The following PRKAG2 variants were observed in gnomAD, a reference collection of about 807,000 sequenced individuals.
PRKAG2 encodes the protein protein kinase AMP-activated non-catalytic subunit gamma 2.
PRKAG2 carries 26 observed loss-of-function variants against 69.6 expected under a neutral mutation model. The observed-to-expected ratio is 0.37, with a 90% CI of 0.27 to 0.52. PRKAG2 has a LOEUF of 0.52. PRKAG2 is among the 20% of genes least tolerant of loss of function. PRKAG2 has a pLI of 0.90. For synonymous variants in PRKAG2, 293 were observed against 285.0 expected, an observed-to-expected ratio of 1.03 and a Z score of -0.28; for missense variants, 557 against 740.0, an observed-to-expected ratio of 0.75 and a Z score of 2.87.
intron 5 of PRKAG2, among the ~76,000 whole-genome samples, chr7:151,611,511 G>A (rs929395029): frequency 6.6e-6 from 1 of 152,150 alleles, no homozygotes; most frequent in Non-Finnish European, 1.5e-5. Context: ...TGAGGAAACT[G>A]AAATATCAAT....
At chr7:151,562,904 G>A (rs991905119) in intron 14 of PRKAG2, among the ~76,000 whole-genome samples, 1 of 148,776 alleles carries the variant, frequency 6.7e-6, no homozygotes, top group Non-Finnish European at 1.5e-5. Context: ...GCAGTGAGCC[G>A]AGATCACGCC....
rs1362370775 is a variant in PRKAG2, at chr7:151,781,733, A to C, written c.187-302T>G. ...GGGGAGGAAGGGAAGCGGAGCTCAA[A>C]ATGAGCGTCTCCCTCCTTTATTATG... is the stretch of plus-strand genomic sequence containing the variant. On this transcript the variant is annotated intron_variant, in intron 2 of 15. Coordinates refer to ENST00000287878, the MANE Select transcript of PRKAG2 (RefSeq NM_016203.4). This position sits in a 1 kb window ranked among gnomAD's most constrained non-coding sequence, Gnocchi z 6.1. Among the ~76,000 whole-genome samples the C allele has an allele frequency of 6.6e-6, 1 of 152,150 alleles. No homozygotes were observed. Among genetic ancestry groups the C allele is most frequent in the African/African-American group, 2.4e-5 (1 of 41,448 alleles).
intron 6 of PRKAG2, among the ~76,000 whole-genome samples, chr7:151,594,758 G>C (rs1415266588): frequency 1.3e-5 from 2 of 152,098 alleles, no homozygotes; most frequent in Non-Finnish European, 2.9e-5. Context: ...TAGCTCTGTG[G>C]ATTAGGTCCT....
rs758756757 is a variant in PRKAG2 at position 151,565,881 on chromosome 7, G to C, written c.1238C>G (p.Ser413Cys). The change falls in exon 12 of 16, where the codon TCT becomes TGT. Residue 413 changes from serine to cysteine, a missense_variant. Physicochemically the swap from Ser to Cys is moderately radical, Grantham distance 112. Around this residue, in one of 2 missense-constraint regions of PRKAG2, gnomAD observed 205 missense variants for 383.4 expected, o/e 0.53. Coordinates refer to ENST00000287878, the MANE Select transcript of PRKAG2 (RefSeq NM_016203.4). ...CATGAAGGCAGGCTTTGGCATATCA[G>C]ACATCTAAACGGAAGATAAACGCAA... ...RILKFLQLFM[S>C]DMPKPAFMKQ... 9.9e-6 allele frequency: 16 copies of C among 1,613,032 alleles called. No homozygotes were observed. The highest frequency in any genetic ancestry group is 1.3e-5 in the Non-Finnish European group (15 of 1,179,098).
rs529929461 is a variant in PRKAG2, at chr7:151,800,168, T to C, written c.115-13627A>G. ...GTCAGGAGATCGAGACCATCCTGGCTAACATGGTGAAACCCTGTCTCTACT... is the reference window on the plus strand; with the variant it reads ...GTCAGGAGATCGAGACCATCCTGGCCAACATGGTGAAACCCTGTCTCTACT... On this transcript the variant is annotated intron_variant, in intron 1 of 15. Transcript: ENST00000287878. 4.6e-5 allele frequency among the ~76,000 whole-genome samples: 7 copies of C among 151,904 alleles called. No individual in the cohort carries two copies. In the East Asian group the frequency reaches 7.8e-4, roughly 17 times the overall value.
At chr7:151,592,510 T>TTCTGCTCTCCTCTCATTGGC (rs1813456283) in intron 6 of PRKAG2, among the ~76,000 whole-genome samples, 2 of 152,206 alleles carry the variant, frequency 1.3e-5, no homozygotes, top group Admixed American at 1.3e-4. Flanking sequence ...CACCCTCGCA[T>TTCTGCTCTCCTCTCATTGGC]TCTGCTCTCC....
chr7:151,872,131 C>T (rs1006145008), intron 1 of PRKAG2, among the ~76,000 whole-genome samples: 11 of 152,178 alleles, frequency 7.2e-5, no homozygotes, highest in Non-Finnish European at 1.6e-4. Context: ...CTCATCATTT[C>T]CCCCAAGAAC....
rs116724769 is a variant in PRKAG2, at chr7:151,575,869, C to T, written c.946+502G>A. 4.3e-3 allele frequency among the ~76,000 whole-genome samples: 524 copies of T among 122,550 alleles called. 6 individuals are homozygous for T. The highest frequency in any genetic ancestry group is 0.015 in the African/African-American group (479 of 31,162). The allele number at this position is 122,550 out of a possible 152,430, so 80.4% of individuals were successfully genotyped here. A position where few individuals can be genotyped will look rare whatever the true frequency, so the allele number is the denominator to read the frequency against. The stretch of plus-strand genomic sequence containing the variant: ...AACAAAAGCTCCATAAAAGTTACAA[C>T]AGTGTGTAGAGTTCTCAATGAGGCG... On this transcript the variant is annotated intron_variant, in intron 7 of 15. Transcript: ENST00000287878.
intron 3 of PRKAG2, among the ~76,000 whole-genome samples, chr7:151,707,212 G>C (rs935976105): frequency 6.6e-6 from 1 of 152,216 alleles, no homozygotes; most frequent in African/African-American, 2.4e-5. Flanking sequence ...AACTTGAGCT[G>C]CCGTTGTCCA....
At chr7:151,793,282 C>T (rs935011501) in intron 1 of PRKAG2, among the ~76,000 whole-genome samples, 1 of 152,174 alleles carries the variant, frequency 6.6e-6, no homozygotes, top group Non-Finnish European at 1.5e-5. Context: ...GGGCGTGCAC[C>T]GCCGGGGAAG....
rs538068847 is a variant in PRKAG2, at chr7:151,709,316, G to A, written c.467-33679C>T. Among the ~76,000 whole-genome samples, 21 of 151,400 alleles carry A rather than the reference G, an allele frequency of 1.4e-4. 1 individual carries two copies. The highest frequency in any genetic ancestry group is 1.4e-3 in the Admixed American group (21 of 15,212). The stretch of plus-strand genomic sequence containing the variant: ...ACTGTATGACATTGACACTGACAAT[G>A]ACGTGTGACATTGAGTGACGTGTGA... On this transcript the variant is annotated intron_variant, in intron 3 of 15. Coordinates refer to ENST00000287878, the MANE Select transcript of PRKAG2 (RefSeq NM_016203.4).
intron 3 of PRKAG2, among the ~76,000 whole-genome samples, chr7:151,695,062 C>T (rs1308412216): frequency 1.3e-5 from 2 of 152,168 alleles, no homozygotes; most frequent in Non-Finnish European, 2.9e-5. Flanking sequence ...GCCAAGTTTC[C>T]GATGTGCTGT....
Position 151,780,875 on chromosome 7 carries a change from G to A in PRKAG2, c.466+277C>T, listed in dbSNP as rs978362824. Among the ~76,000 whole-genome samples, 5 of 152,212 alleles carry A rather than the reference G, an allele frequency of 3.3e-5. No individual in the cohort carries two copies. Among genetic ancestry groups the A allele is most frequent in the Non-Finnish European group, 7.3e-5 (5 of 68,042 alleles). On this transcript the variant is annotated intron_variant, in intron 3 of 15. Coordinates refer to ENST00000287878, the MANE Select transcript of PRKAG2 (RefSeq NM_016203.4). The surrounding 1 kb of genome is among the most constrained non-coding windows in gnomAD (Gnocchi z 4.2). ...TGATTGTCCATACAAGCTGTACTGT[G>A]AGTATCAGGATGTTTACAGTTAACC... is the stretch of plus-strand genomic sequence containing the variant.
At chr7:151,853,636 T>C (rs2079633185) in intron 1 of PRKAG2, among the ~76,000 whole-genome samples, 1 of 151,824 alleles carries the variant, frequency 6.6e-6, no homozygotes, top group Non-Finnish European at 1.5e-5. Flanking sequence ...GGCGGGTGCC[T>C]GTAGTCCCAG....
chr7:151,836,424 G>A lies in PRKAG2; in HGVS notation c.114+40083C>T, dbSNP rs1319432404. On this transcript the variant is annotated intron_variant, in intron 1 of 15. Coordinates refer to ENST00000287878, the MANE Select transcript of PRKAG2 (RefSeq NM_016203.4). The surrounding 1 kb of genome is among the most constrained non-coding windows in gnomAD (Gnocchi z 4.1). ...CAGCTTCCCTGATCACCGCAGTGAC[G>A]CTCCTGCTCAAGCTGGGAGAACCAG... Among the ~76,000 whole-genome samples the A allele has an allele frequency of 5.3e-5, 8 of 152,182 alleles. No homozygotes were observed. Among genetic ancestry groups the A allele is most frequent in the East Asian group, 3.9e-4 (2 of 5,190 alleles).
At chr7:151,560,205 TC>T in intron 15 of PRKAG2, 1 of 1,217,124 alleles carries the variant, frequency 8.2e-7, no homozygotes, top group Non-Finnish European at 1.0e-6. Context: ...TCACTAGTTC[TC>T]TCACAAAGCA....
Position 151,727,781 on chromosome 7 carries a change from C to A in PRKAG2, c.467-52144G>T, listed in dbSNP as rs76010437. On this transcript the variant is annotated intron_variant, in intron 3 of 15. Transcript: ENST00000287878. ...GTATCCCCTGGGAGGCGCAGGGCAG[C>A]CGGGTCAGCGTTCAGGTGCTGTTCA... 5.2e-3 allele frequency among the ~76,000 whole-genome samples: 785 copies of A among 152,236 alleles called. 3 individuals carry two copies. The highest frequency in any genetic ancestry group is 0.018 in the African/African-American group (763 of 41,562).
intron 2 of PRKAG2, among the ~76,000 whole-genome samples, chr7:151,782,598 T>C (rs551174730): frequency 7.2e-5 from 11 of 152,234 alleles, no homozygotes; most frequent in Admixed American, 6.5e-4. Context: ...CGCAGCCGTG[T>C]TCCTGCTGGA....
intron 1 of PRKAG2, among the ~76,000 whole-genome samples, chr7:151,793,103 GACA>G (rs1332991077): frequency 3.9e-5 from 6 of 152,210 alleles, no homozygotes; most frequent in Non-Finnish European, 5.9e-5. Flanking sequence ...CACTGAAGCG[GACA>G]ACAATAGGCG....
Sources: allele counts gnomAD v4.1 joint callset (sites outside exome capture counted in the v4.1 genomes callset), GRCh38; gene constraint gnomAD v4.1.1; regional missense constraint gnomAD v4.1.1; non-coding constraint Gnocchi (gnomAD v3.1); transcripts MANE v1.5; gene names NCBI Gene and HGNC (gene_info 2026-07-23, HGNC 2026-07-21).